The following DYM variants were observed in gnomAD, a reference collection of about 807,000 sequenced individuals.
The protein encoded by DYM is dyggve-Melchior-Clausen syndrome protein.
Under a neutral mutation model 93.1 loss-of-function variants are expected in DYM, and 78 were observed. The ratio of observed to expected loss-of-function variants is 0.84; its 90% CI spans 0.70 to 1.01. DYM has a LOEUF of 1.01. DYM is among the 50% of genes least tolerant of loss of function. DYM has a pLI of 0.00. For missense variants in DYM, 789 were observed against 845.0 expected (o/e 0.93, Z 0.82); for synonymous variants, 321 against 319.7 (o/e 1.00, Z -0.04).
At chr18:49,279,206 C>T (rs1219733866) in intron 10 of DYM, among the ~76,000 whole-genome samples, 1 of 152,150 alleles carries the variant, frequency 6.6e-6, no homozygotes, top group East Asian at 1.9e-4. Context: ...AGTAGTGAGT[C>T]AGACCATCAA....
intron 13 of DYM, among the ~76,000 whole-genome samples, chr18:49,228,975 T>C (rs2093620059): frequency 1.3e-5 from 2 of 152,164 alleles, no homozygotes; most frequent in African/African-American, 4.8e-5. Flanking sequence ...ATCTCTATTT[T>C]GTACATAATT....
intron 11 of DYM, among the ~76,000 whole-genome samples, chr18:49,261,450 C>T (rs2094489055): frequency 6.6e-6 from 1 of 152,224 alleles, no homozygotes; most frequent in Non-Finnish European, 1.5e-5. Context: ...GTGGATGGAT[C>T]ACCTGAGGTC....
intron 17 of DYM, among the ~76,000 whole-genome samples, chr18:49,063,201 A>G (rs368192572): frequency 6.6e-6 from 1 of 152,172 alleles, no homozygotes; most frequent in Non-Finnish European, 1.5e-5. Flanking sequence ...TCTCTGCCCA[A>G]TTTCCCACAC....
chr18:49,073,571 G>C (rs1327662058), intron 17 of DYM, among the ~76,000 whole-genome samples: 1 of 152,092 alleles, frequency 6.6e-6, no homozygotes, highest in Non-Finnish European at 1.5e-5. Flanking sequence ...AATCTGAAAC[G>C]AGTGAGCTTT....
chr18:49,250,940 C>T (rs1291437428), intron 13 of DYM, among the ~76,000 whole-genome samples: 1 of 152,198 alleles, frequency 6.6e-6, no homozygotes, highest in East Asian at 1.9e-4. Context: ...GGATCCTCAG[C>T]CTTGACACTA....
intron 6 of DYM, among the ~76,000 whole-genome samples, chr18:49,341,134 T>C (rs1448420392): frequency 2.0e-5 from 3 of 152,058 alleles, no homozygotes; most frequent in Non-Finnish European, 4.4e-5. Context: ...TAGACCAAAT[T>C]TCATGACAAA....
chr18:49,413,833 A>T (rs112628821), intron 2 of DYM, among the ~76,000 whole-genome samples: 13,887 of 152,128 alleles, frequency 0.091, 853 homozygotes, highest in East Asian at 0.31. Flanking sequence ...AACATGGTGA[A>T]ACCCCGTCTC....
intron 1 of DYM, among the ~76,000 whole-genome samples, chr18:49,459,952 A>C (rs967427654): frequency 2.6e-5 from 4 of 151,508 alleles, no homozygotes; most frequent in African/African-American, 2.4e-5. Context: ...CTCTGGAGTT[A>C]AGGGTGGTGA....
intron 17 of DYM, among the ~76,000 whole-genome samples, chr18:49,096,088 T>G (rs985066500): frequency 3.3e-5 from 5 of 152,218 alleles, no homozygotes; most frequent in Non-Finnish European, 7.3e-5. Context: ...ACCAAGGTCT[T>G]ACTTTATGTA....
chr18:49,239,181 T>C (rs1296429752), intron 13 of DYM, among the ~76,000 whole-genome samples: 1 of 152,022 alleles, frequency 6.6e-6, no homozygotes, highest in Non-Finnish European at 1.5e-5. Flanking sequence ...TTCCTGCTCA[T>C]CAGAAGAAAC....
At chr18:49,137,683 T>C (rs960586817) in intron 15 of DYM, among the ~76,000 whole-genome samples, 2 of 152,210 alleles carry the variant, frequency 1.3e-5, no homozygotes, top group Non-Finnish European at 2.9e-5. Flanking sequence ...AAATAACAGA[T>C]AGTTTTTCTT....
At chr18:49,118,632 T>G (rs748820300) in intron 16 of DYM, 112 bp downstream of exon 16, 22 of 1,004,586 alleles carry the variant, frequency 2.2e-5, no homozygotes, top group Non-Finnish European at 3.2e-5. Context: ...CAAATACAGT[T>G]AATGTTGAAA....
intron 5 of DYM, chr18:49,368,516 A>G (rs2066711078): frequency 6.6e-6 from 1 of 152,188 alleles, no homozygotes; most frequent in Non-Finnish European, 1.5e-5. Context: ...CTTACCTATA[A>G]CTAATAAGGT....
intron 13 of DYM, among the ~76,000 whole-genome samples, chr18:49,241,882 A>G (rs1188796740): frequency 1.3e-5 from 2 of 152,254 alleles, no homozygotes; most frequent in Non-Finnish European, 2.9e-5. Context: ...TGAGGCTTCT[A>G]TAATAATTAT....
At chr18:49,162,447 T>C (rs1412828437) in intron 15 of DYM, among the ~76,000 whole-genome samples, 1 of 152,180 alleles carries the variant, frequency 6.6e-6, no homozygotes, top group Non-Finnish European at 1.5e-5. Flanking sequence ...TCTCTTCCTC[T>C]TCTTATAAAG....
intron 11 of DYM, among the ~76,000 whole-genome samples, chr18:49,259,822 G>A (rs953057425): frequency 1.3e-5 from 2 of 152,110 alleles, no homozygotes; most frequent in Non-Finnish European, 2.9e-5. Flanking sequence ...TGTTAATAAC[G>A]ACTACATGAA....
At chr18:49,387,686 A>G (rs895495980) in intron 3 of DYM, among the ~76,000 whole-genome samples, 1 of 152,184 alleles carries the variant, frequency 6.6e-6, no homozygotes, top group Non-Finnish European at 1.5e-5. Context: ...AGATACATAC[A>G]TTTAACACGT....
At chr18:49,233,962 T>TA (rs933872892) in intron 13 of DYM, among the ~76,000 whole-genome samples, 17 of 151,286 alleles carry the variant, frequency 1.1e-4, no homozygotes, top group South Asian at 2.1e-4. Flanking sequence ...CCGTCTCTAC[T>TA]AAAAAAAATA....
At chr18:49,427,827 A>G (rs1039791986) in intron 2 of DYM, among the ~76,000 whole-genome samples, 2 of 152,214 alleles carry the variant, frequency 1.3e-5, no homozygotes, top group African/African-American at 4.8e-5. Context: ...TCATGCTTAT[A>G]AATCCCAACA....
Sources: gnomAD v4.1 joint callset for allele counts (sites outside exome capture counted in the v4.1 genomes callset) on GRCh38, gnomAD v4.1.1 for gene constraint, MANE v1.5 for transcripts, NCBI Gene and HGNC (gene_info 2026-07-23, HGNC 2026-07-21) for gene names.